TMEM123: variants seen among roughly 807,000 people sequenced by gnomAD.
The protein encoded by TMEM123 is porimin.
TMEM123 carries 16 observed loss-of-function variants against 19.7 expected under a neutral mutation model. That is an observed-to-expected ratio of 0.81 (90% CI 0.55 to 1.23). The LOEUF (loss-of-function observed/expected upper bound fraction) is 1.23, where lower values mean the gene tolerates loss of function less well. Ranked by LOEUF, TMEM123 falls within the 50% of genes most tolerant of loss-of-function variation. TMEM123 has a pLI of 0.00. For synonymous variants in TMEM123, 118 were observed against 99.4 expected, an observed-to-expected ratio of 1.19 and a Z score of -1.12; for missense variants, 313 against 257.8, an observed-to-expected ratio of 1.21 and a Z score of -1.47.
intron 1 of TMEM123, chr11:102,449,500 A>T (rs1857917115): frequency 6.6e-6 from 1 of 152,144 alleles, no homozygotes; most frequent in Admixed American, 6.6e-5. Flanking sequence ...ACATAGGGAG[A>T]GAGCAAGTGT....
At chr11:102,446,773 A>C (rs897018737) in intron 2 of TMEM123, among the ~76,000 whole-genome samples, 1 of 152,228 alleles carries the variant, frequency 6.6e-6, no homozygotes, top group Non-Finnish European at 1.5e-5. Context: ...ATAGACACCC[A>C]ACATTCTAAG....
At chr11:102,412,410 A>G (rs1402910513) in intron 2 of TMEM123, among the ~76,000 whole-genome samples, 1 of 152,254 alleles carries the variant, frequency 6.6e-6, no homozygotes, top group African/African-American at 2.4e-5. Flanking sequence ...CCTGGGCAAC[A>G]GTGCAAAACT....
chr11:102,408,314 A>C (rs1229856659), intron 2 of TMEM123, among the ~76,000 whole-genome samples: 2 of 152,208 alleles, frequency 1.3e-5, no homozygotes. Flanking sequence ...CCAACAGCCC[A>C]ATCAGTTCTT....
At chr11:102,400,443 C>T (rs1951901930) in intron 4 of TMEM123, among the ~76,000 whole-genome samples, 2 of 152,226 alleles carry the variant, frequency 1.3e-5, no homozygotes, top group Non-Finnish European at 2.9e-5. Flanking sequence ...ACATTTCCCA[C>T]ACTTTTTGAT....
In TMEM123 at chr11:102,396,402, A is replaced by G. The variant is rs531992525; in HGVS notation, c.*2465T>C. ...AATGAAATACCAAAAGCTGGTCATT[A>G]TAATAAAAAGAAAAGAAGAGTTTAA... On this transcript the variant is annotated 3_prime_UTR_variant, in exon 5 of 5. Transcript: ENST00000398136. The G allele has an allele frequency of 5.9e-5, 9 of 152,358 alleles. No individual in the cohort carries two copies. The highest frequency in any genetic ancestry group is 1.0e-4 in the Non-Finnish European group (7 of 68,036). The allele number at this position is 152,358 out of a possible 1,614,324, so 9.4% of individuals were successfully genotyped here. A position where few individuals can be genotyped will look rare whatever the true frequency, so the allele number is the denominator to read the frequency against.
chr11:102,427,685 CA>C (rs1381444976), intron 2 of TMEM123, among the ~76,000 whole-genome samples: 2 of 151,176 alleles, frequency 1.3e-5, no homozygotes, highest in African/African-American at 4.9e-5. Context: ...AAAAAACACA[CA>C]AATTAGCCAG....
intron 2 of TMEM123, among the ~76,000 whole-genome samples, chr11:102,440,892 TC>T (rs1857818875): frequency 6.6e-6 from 1 of 152,086 alleles, no homozygotes; most frequent in Non-Finnish European, 1.5e-5. Flanking sequence ...GGGGTTGCAA[TC>T]CTAGTCTCTG....
intron 2 of TMEM123, among the ~76,000 whole-genome samples, chr11:102,432,415 G>A (rs1017785847): frequency 2.2e-4 from 33 of 152,224 alleles, no homozygotes; most frequent in Admixed American, 8.5e-4. Context: ...CTATGCTTTA[G>A]CAAAGAGATT....
At chr11:102,416,385 C>T (rs950088630) in intron 2 of TMEM123, among the ~76,000 whole-genome samples, 7 of 152,200 alleles carry the variant, frequency 4.6e-5, no homozygotes, top group African/African-American at 1.4e-4. Flanking sequence ...AACACCACTA[C>T]GTATACAAAC....
At chr11:102,428,191 T>G (rs1247489958) in intron 2 of TMEM123, among the ~76,000 whole-genome samples, 7 of 152,234 alleles carry the variant, frequency 4.6e-5, no homozygotes, top group African/African-American at 1.7e-4. Context: ...TTTTTCTTAG[T>G]TTAGGATGTT....
In TMEM123 at chr11:102,409,897, CA is replaced by C. The variant is rs34000649; in HGVS notation, c.158-7692del. ...CAAACAAACTAGATAAATCTAGATT[CA>C]AAAAAAAAAAAAATCTAAGAGAAAA... On this transcript the variant is annotated intron_variant, in intron 2 of 4. Transcript: ENST00000398136. Among the ~76,000 whole-genome samples, 869 of 124,708 alleles carry C rather than the reference CA, an allele frequency of 7.0e-3. 6 individuals carry two copies. The highest frequency in any genetic ancestry group is 0.017 in the Middle Eastern group (4 of 238). 81.8% of individuals were successfully genotyped at this position (124,708 alleles called of 152,430 possible).
At chr11:102,445,403 C>G (rs904844665) in intron 2 of TMEM123, among the ~76,000 whole-genome samples, 4 of 152,204 alleles carry the variant, frequency 2.6e-5, no homozygotes, top group Admixed American at 1.3e-4. Flanking sequence ...ATCAATCAGT[C>G]AATCAATCAT....
At position 102,452,607 on chromosome 11, in the gene TMEM123, C is replaced by G. The variant is rs377305716; in HGVS notation, c.17G>C (p.Arg6Pro). 3.9e-6 allele frequency: 6 copies of G among 1,557,440 alleles called. No individual in the cohort carries two copies. In the African/African-American group the frequency reaches 5.5e-5, roughly 14 times the overall value. The change falls in exon 1 of 5, where the codon CGA (arginine) becomes CCA (proline). Residue 6 changes from arginine (R) to proline (P), a missense_variant. Coordinates refer to ENST00000398136, the MANE Select transcript of TMEM123 (RefSeq NM_052932.3). ...CAGGAGCAGCGCGGCCCAAGCACCT[C>G]GCGCGCCGAGTCCCATTGTTCCGAG... MGLGA[R>P]GAWAALLLGT...
At position 102,414,828 on chromosome 11, in the gene TMEM123, G is replaced by T. The variant is rs544009569; in HGVS notation, c.158-12622C>A. On this transcript the variant is annotated intron_variant, in intron 2 of 4. Coordinates refer to ENST00000398136, the MANE Select transcript of TMEM123 (RefSeq NM_052932.3). ...AAACCAGTTAACAACACAGTAACAG[G>T]ATCACATCCACACATATCAATGTTA... Among the ~76,000 whole-genome samples the T allele has an allele frequency of 1.8e-4, 27 of 152,178 alleles. 1 individual carries two copies. The South Asian group carries it at 5.4e-3, about 30-fold the overall frequency.
chr11:102,429,080 C>A (rs1301399660), intron 2 of TMEM123, among the ~76,000 whole-genome samples: 3 of 152,072 alleles, frequency 2.0e-5, no homozygotes, highest in Admixed American at 2.0e-4. Context: ...GTAGAATACA[C>A]CAGGATGGAC....
At chr11:102,406,154 C>T (rs1270080992) in intron 2 of TMEM123, among the ~76,000 whole-genome samples, 1 of 152,172 alleles carries the variant, frequency 6.6e-6, no homozygotes, top group Admixed American at 6.5e-5. Flanking sequence ...AGGGGTGAAG[C>T]TTTATCTAAG....
intron 2 of TMEM123, among the ~76,000 whole-genome samples, chr11:102,444,867 T>C (rs1857865328): frequency 6.6e-6 from 1 of 151,802 alleles, no homozygotes; most frequent in South Asian, 2.1e-4. Flanking sequence ...ATGTCCTTTG[T>C]AGGGACGTGG....
chr11:102,411,621 TAG>T (rs373908371), intron 2 of TMEM123, among the ~76,000 whole-genome samples: 100 of 151,312 alleles, frequency 6.6e-4, no homozygotes, highest in African/African-American at 2.4e-3. Context: ...AGGTAGTAGA[TAG>T]AGTCAGAACT....
chr11:102,420,865 T>C (rs368950012), intron 2 of TMEM123, among the ~76,000 whole-genome samples: 99 of 152,246 alleles, frequency 6.5e-4, no homozygotes, highest in African/African-American at 2.3e-3. Context: ...CTGGCCAACA[T>C]GGTGAAACCC....
Sources: gnomAD v4.1 joint callset for allele counts (sites outside exome capture counted in the v4.1 genomes callset) on GRCh38, gnomAD v4.1.1 for gene constraint, MANE v1.5 for transcripts, NCBI Gene and HGNC (gene_info 2026-07-23, HGNC 2026-07-21) for gene names.